The following TSHZ3 variants were observed in gnomAD, a reference collection of about 807,000 sequenced individuals.
The protein encoded by TSHZ3 is teashirt zinc finger homeobox 3, also known as teashirt homolog 3.
Under a neutral mutation model 64.5 loss-of-function variants are expected in TSHZ3, and 10 were observed. The observed-to-expected ratio is 0.16, with a 90% confidence interval of 0.10 to 0.26. The LOEUF is 0.26. TSHZ3 is among the 10% of genes least tolerant of loss of function. The pLI, the probability that TSHZ3 is intolerant of heterozygous loss-of-function variation, is 1.00. For synonymous variants in TSHZ3, 608 were observed against 593.1 expected, an observed-to-expected ratio of 1.03 and a Z score of -0.36; for missense variants, 1,242 against 1,421.7, an observed-to-expected ratio of 0.87 and a Z score of 2.03.
intron 1 of TSHZ3, among the ~76,000 whole-genome samples, chr19:31,332,056 T>C (rs1206905755): frequency 2.0e-5 from 3 of 152,204 alleles, no homozygotes; most frequent in Non-Finnish European, 4.4e-5. Flanking sequence ...CATGTTTCCA[T>C]TCACAAAAAG....
intron 5 of TSHZ3, among the ~76,000 whole-genome samples, chr19:31,170,840 A>G (rs1226391106): frequency 6.6e-6 from 1 of 152,242 alleles, no homozygotes; most frequent in Non-Finnish European, 1.5e-5. Context: ...AGGTAAGGCA[A>G]TCTGAAAACA....
chr19:31,289,798 T>G (rs1034141306), intron 1 of TSHZ3, among the ~76,000 whole-genome samples: 5 of 152,166 alleles, frequency 3.3e-5, no homozygotes, highest in Admixed American at 6.5e-5. Flanking sequence ...AGACCCCATG[T>G]CCGCTGGGCT....
chr19:31,326,692 C>A (rs940575586), intron 1 of TSHZ3, among the ~76,000 whole-genome samples: 2 of 152,338 alleles, frequency 1.3e-5, no homozygotes, highest in East Asian at 3.9e-4. Context: ...TCCAAGTAAG[C>A]AGCTGCAAAA....
chr19:31,345,431 G>A (rs942389008), intron 1 of TSHZ3, among the ~76,000 whole-genome samples: 5 of 152,200 alleles, frequency 3.3e-5, no homozygotes, highest in Non-Finnish European at 5.9e-5. Flanking sequence ...ACACCACCAG[G>A]TGGGCCACCT....
rs1225914421 is a variant in TSHZ3, at chr19:31,319,893, A to G, written c.40+29287T>C. On this transcript the variant is annotated intron_variant, in intron 1 of 1. Transcript: ENST00000240587. ...TCTTAAGATGCAGCCCCCCTGAGAA[A>G]GTAGCAATCGGCCCTTCCTTCCTAA... Among the ~76,000 whole-genome samples, 6 of 152,014 alleles carry G rather than the reference A, an allele frequency of 3.9e-5. No individual in the cohort carries two copies. In the East Asian group the frequency reaches 9.7e-4, roughly 25 times the overall value.
At chr19:31,218,505 A>T (rs1166064407) in intron 4 of TSHZ3, among the ~76,000 whole-genome samples, 1 of 152,200 alleles carries the variant, frequency 6.6e-6, no homozygotes, top group East Asian at 1.9e-4. Context: ...GTTTCTTATA[A>T]AACTAAATAT....
At chr19:31,323,630 TACCC>T in intron 1 of TSHZ3, among the ~76,000 whole-genome samples, 2 of 152,090 alleles carry the variant, frequency 1.3e-5, no homozygotes, top group African/African-American at 4.8e-5. Flanking sequence ...GGTTTACGAA[TACCC>T]AGATGATTTC....
chr19:31,276,530 T>C lies in TSHZ3; in HGVS notation c.*17A>G, dbSNP rs893994614. ...TCCCTCAAAGCAAACTGCAGTCCTT[T>C]CTATCAAAAGCAAATGCTACTGCTT... On this transcript the variant is annotated 3_prime_UTR_variant, in exon 2 of 2. Transcript: ENST00000240587. 1.1e-5 allele frequency: 17 copies of C among 1,528,728 alleles called. No individual in the cohort carries two copies. Among genetic ancestry groups the C allele is most frequent in the Non-Finnish European group, 1.2e-5 (14 of 1,136,040 alleles). 94.7% of individuals were successfully genotyped at this position (1,528,728 alleles called of 1,614,324 possible). A position where few individuals can be genotyped will look rare whatever the true frequency, so the allele number is the denominator to read the frequency against.
chr19:31,324,961 C>T (rs1916889719), intron 1 of TSHZ3, among the ~76,000 whole-genome samples: 1 of 152,170 alleles, frequency 6.6e-6, no homozygotes, highest in South Asian at 2.1e-4. Context: ...CCATCAATTA[C>T]ATAAAAACAA....
intron 3 of TSHZ3, among the ~76,000 whole-genome samples, chr19:31,235,633 T>C (rs948739456): frequency 1.3e-5 from 1 of 77,220 alleles, no homozygotes; most frequent in Non-Finnish European, 2.3e-5. Flanking sequence ...CTTTCTTTCC[T>C]CTTTCTTTCT....
chr19:31,278,434 C>G lies in TSHZ3; in HGVS notation c.1359G>C (p.Thr453=). Residue 453 remains threonine, a synonymous_variant, in exon 2 of 2, where the codon ACG becomes ACC. Coordinates refer to ENST00000240587, the MANE Select transcript of TSHZ3 (RefSeq NM_020856.4). This position sits in a 1 kb window ranked among gnomAD's most constrained non-coding sequence, Gnocchi z 4.7. ...QSVPLAATTF[T]SPSNTPASIS... ...TGCTGGCAGGTGTATTGGAGGGGGACGTGAAGGTGGTGGCTGCCAGGGGCA... is the reference window on the plus strand; with the variant it reads ...TGCTGGCAGGTGTATTGGAGGGGGAGGTGAAGGTGGTGGCTGCCAGGGGCA... The G allele has an allele frequency of 1.2e-6, 2 of 1,614,056 alleles. No homozygotes were observed. Among genetic ancestry groups the G allele is most frequent in the East Asian group, 4.5e-5 (2 of 44,856 alleles).
Position 31,278,171 on chromosome 19 carries a change from G to A in TSHZ3, c.1622C>T (p.Thr541Ile). 6.2e-7 allele frequency: 1 copy of A among 1,614,198 alleles called. No individual in the cohort carries two copies. Among genetic ancestry groups the A allele is most frequent in the Non-Finnish European group, 8.5e-7 (1 of 1,180,036 alleles). Residue 541 changes from threonine (T) to isoleucine (I), a missense_variant, in exon 2 of 2, where the codon ACT becomes ATT. Physicochemically the swap from Thr to Ile is moderately conservative, Grantham distance 89. Around this residue, in one of 4 missense-constraint regions of TSHZ3, gnomAD observed 550 missense variants for 545.1 expected, o/e 1.01. Transcript: ENST00000240587. The surrounding 1 kb of genome is among the most constrained non-coding windows in gnomAD (Gnocchi z 4.7). ...TSAINKAQNGTPSWGGYPSIH... is the reference protein window; with the variant it reads ...TSAINKAQNGIPSWGGYPSIH... ...GCTGGGATAGCCCCCCCAGCTAGGA[G>A]TGCCGTTCTGGGCCTTGTTGATTGC...
At chr19:31,347,403 T>C (rs933557613) in intron 1 of TSHZ3, among the ~76,000 whole-genome samples, 3 of 152,046 alleles carry the variant, frequency 2.0e-5, no homozygotes, top group Admixed American at 6.5e-5. Context: ...TAATCACATA[T>C]GGTTCATTGG....
At chr19:31,302,621 ACTTTT>A (rs142126136) in intron 1 of TSHZ3, among the ~76,000 whole-genome samples, 5,860 of 152,288 alleles carry the variant, frequency 0.038, 204 homozygotes, top group African/African-American at 0.097. Flanking sequence ...GTGTGCTTTT[ACTTTT>A]ACCTTAAAAT....
chr19:31,190,379 T>C (rs1407062520), intron 5 of TSHZ3, among the ~76,000 whole-genome samples: 1 of 152,062 alleles, frequency 6.6e-6, no homozygotes, highest in African/African-American at 2.4e-5. Context: ...TCATAGGAGA[T>C]TTATTCAGCC....
intron 5 of TSHZ3, among the ~76,000 whole-genome samples, chr19:31,164,506 A>G (rs1974416738): frequency 6.6e-6 from 1 of 152,188 alleles, no homozygotes; most frequent in South Asian, 2.1e-4. Flanking sequence ...CACACACTCC[A>G]TACACATTTG....
intron 1 of TSHZ3, among the ~76,000 whole-genome samples, chr19:31,262,953 G>T (rs977573777): frequency 1.3e-5 from 2 of 152,232 alleles, no homozygotes; most frequent in Non-Finnish European, 1.5e-5. Context: ...TGTTGAGAGC[G>T]CTGACTGCCA....
intron 1 of TSHZ3, among the ~76,000 whole-genome samples, chr19:31,302,311 T>A (rs919187184): frequency 1.1e-4 from 16 of 152,142 alleles, no homozygotes; most frequent in Non-Finnish European, 4.4e-5. Context: ...ACTCTGCCCA[T>A]GTCCAGGAAG....
intron 1 of TSHZ3, among the ~76,000 whole-genome samples, chr19:31,286,686 G>A (rs1187624144): frequency 1.3e-5 from 2 of 152,218 alleles, no homozygotes; most frequent in Non-Finnish European, 2.9e-5. Context: ...GACCACACAG[G>A]AAGTGTGGGA....
Sources: gnomAD v4.1 joint callset for allele counts (sites outside exome capture counted in the v4.1 genomes callset) on GRCh38, gnomAD v4.1.1 for gene constraint, gnomAD v4.1.1 regional missense constraint, Gnocchi (gnomAD v3.1) non-coding constraint, MANE v1.5 for transcripts, NCBI Gene and HGNC (gene_info 2026-07-23, HGNC 2026-07-21) for gene names.